The following ICE2 variants were observed in gnomAD, a reference collection of about 807,000 sequenced individuals.
ICE2 encodes the protein interactor of little elongation complex ELL subunit 2.
A neutral mutation model predicts 105.4 loss-of-function variants in ICE2; 87 were observed. The observed-to-expected ratio is 0.83, with a 90% CI of 0.69 to 0.99. The LOEUF (loss-of-function observed/expected upper bound fraction) is 0.99, where lower values mean the gene tolerates loss of function less well. Among genes scored for constraint, ICE2 ranks in the 50% least tolerant of loss-of-function variants. ICE2 has a pLI of 0.00. For missense variants in ICE2, 1,323 were observed against 1,146.7 expected (o/e 1.15, Z -2.22); for synonymous variants, 399 against 392.0 (o/e 1.02, Z -0.21).
chr15:60,471,915 C>A (rs983861935), intron 3 of ICE2, among the ~76,000 whole-genome samples: 11 of 151,882 alleles, frequency 7.2e-5, no homozygotes, highest in African/African-American at 2.7e-4. Flanking sequence ...TTCAAGTCTA[C>A]TAGTATCTTC....
intron 3 of ICE2, among the ~76,000 whole-genome samples, chr15:60,471,868 A>G (rs964620759): frequency 1.3e-5 from 2 of 151,872 alleles, no homozygotes; most frequent in African/African-American, 4.8e-5. Flanking sequence ...TAGCTTATTT[A>G]AAAGTAGCAT....
At chr15:60,472,075 A>C (rs1477045540) in intron 3 of ICE2, among the ~76,000 whole-genome samples, 1 of 152,094 alleles carries the variant, frequency 6.6e-6, no homozygotes, top group African/African-American at 2.4e-5. Flanking sequence ...GTAATCGTTT[A>C]CAGTGGCTAT....
chr15:60,460,676 C>T (rs1399503493), intron 5 of ICE2, among the ~76,000 whole-genome samples: 1 of 152,116 alleles, frequency 6.6e-6, no homozygotes, highest in Non-Finnish European at 1.5e-5. Flanking sequence ...TTTAGTAGCA[C>T]CTCTGGCTCT....
In ICE2 at chr15:60,449,265, G is replaced by C; in HGVS notation, c.1702C>G (p.Leu568Val). 2 of 1,613,432 alleles carry C rather than the reference G, an allele frequency of 1.2e-6. No homozygotes were observed. Among genetic ancestry groups the C allele is most frequent in the Non-Finnish European group, 1.7e-6 (2 of 1,179,954 alleles). The change falls in exon 10 of 16, where the codon CTC (leucine) becomes GTC (valine). Residue 568 changes from leucine (L) to valine (V), a missense_variant. By Grantham distance (32) the Leu-to-Val change is conservative. Transcript: ENST00000261520. ...TCCTCATCTGTATCACTGCTGCAGA[G>C]AACTGTATCTTCAGTTTTTGCTGCT... The part of the protein sequence containing the change: ...SEAAKTEDTV[L>V]CSSDTDEECL...
Position 60,449,048 on chromosome 15 carries a change from T to A in ICE2, c.1919A>T (p.Lys640Ile). Residue 640 changes from lysine to isoleucine, a missense_variant, in exon 10 of 16, where the codon AAA becomes ATA. Physicochemically the swap from Lys to Ile is moderately radical, Grantham distance 102. Coordinates refer to ENST00000261520, the MANE Select transcript of ICE2 (RefSeq NM_024611.6). ...AATCTCTCCAACTGGATCAAATTTT[T>A]TATATACTCGTTTGATAGGTTTTTT... ...VLKKPIKRVYKKFDPVGEILK... is the reference protein window; with the variant it reads ...VLKKPIKRVYIKFDPVGEILK... 1.2e-6 allele frequency: 2 copies of A among 1,613,338 alleles called. No homozygotes were observed. Among genetic ancestry groups the A allele is most frequent in the Non-Finnish European group, 1.7e-6 (2 of 1,179,726 alleles).
rs753816256 is a variant in ICE2 at position 60,453,598 on chromosome 15, C to T, written c.1125+5G>A. 3 of 1,612,386 alleles carry T rather than the reference C, an allele frequency of 1.9e-6. No homozygotes were observed. Among genetic ancestry groups the T allele is most frequent in the Non-Finnish European group, 2.5e-6 (3 of 1,179,258 alleles). On this transcript the variant is annotated splice_donor_5th_base_variant and intron_variant, in intron 9 of 15. Transcript: ENST00000261520. ...CCCTTAGGGGAAAAAAAAAGCATTA[C>T]ATACGTCCATTTCAGATATAAACTC...
At position 60,420,478 on chromosome 15, in the gene ICE2, A is replaced by G. The variant is rs1030237217; in HGVS notation, c.*3156T>C. 1 of 152,210 alleles carries G rather than the reference A, an allele frequency of 6.6e-6. No individual in the cohort carries two copies. Among genetic ancestry groups the G allele is most frequent in the African/African-American group, 2.4e-5 (1 of 41,444 alleles). The allele number at this position is 152,210 out of a possible 1,614,324, so 9.4% of individuals were successfully genotyped here. ...GCCAACAAGAGCCCTTTTCAAATAC[A>G]TATCTGATCATGTCAGTTAATTAAC... On this transcript the variant is annotated 3_prime_UTR_variant, in exon 16 of 16. Transcript: ENST00000261520.
At chr15:60,466,928 C>T (rs768869151) in intron 4 of ICE2, among the ~76,000 whole-genome samples, 3 of 152,146 alleles carry the variant, frequency 2.0e-5, no homozygotes, top group Non-Finnish European at 2.9e-5. Context: ...TAAGACTATA[C>T]AATACATGCT....
intron 5 of ICE2, among the ~76,000 whole-genome samples, chr15:60,463,990 G>A (rs763230600): frequency 1.8e-4 from 27 of 152,158 alleles, no homozygotes; most frequent in Non-Finnish European, 3.5e-4. Flanking sequence ...CAAGAGTTAC[G>A]TAGATGTTTA....
chr15:60,431,718 T>C (rs908773858), intron 14 of ICE2, among the ~76,000 whole-genome samples: 5 of 152,142 alleles, frequency 3.3e-5, no homozygotes, highest in Non-Finnish European at 7.4e-5. Flanking sequence ...AATAACATAA[T>C]AATAGACTTA....
rs1236305230 is a variant in ICE2 at position 60,452,076 on chromosome 15, T to C, written c.1125+1527A>G. 3.0e-6 allele frequency: 3 copies of C among 985,116 alleles called. No homozygotes were observed. The African/African-American group carries it at 5.2e-5, about 17-fold the overall frequency. The allele number at this position is 985,116 out of a possible 1,614,324, so 61.0% of individuals were successfully genotyped here. A position where few individuals can be genotyped will look rare whatever the true frequency, so the allele number is the denominator to read the frequency against. ...AGAAGCCACTGTCAATTTTCATCCCTTTTAACCTACCTCATGTTTCTTCTT... is the reference window on the plus strand; with the variant it reads ...AGAAGCCACTGTCAATTTTCATCCCCTTTAACCTACCTCATGTTTCTTCTT... On this transcript the variant is annotated intron_variant, in intron 9 of 15. Coordinates refer to ENST00000261520, the MANE Select transcript of ICE2 (RefSeq NM_024611.6).
chr15:60,466,314 T>G (rs1157137155), intron 5 of ICE2, among the ~76,000 whole-genome samples: 1 of 152,202 alleles, frequency 6.6e-6, no homozygotes, highest in Non-Finnish European at 1.5e-5. Context: ...ACAAGGGAAG[T>G]CAGTGGGTCA....
intron 11 of ICE2, among the ~76,000 whole-genome samples, chr15:60,446,186 T>C (rs1440973825): frequency 6.6e-6 from 1 of 152,178 alleles, no homozygotes; most frequent in Non-Finnish European, 1.5e-5. Context: ...AAAAACTAAA[T>C]TATGTGAATT....
At chr15:60,437,292 A>C (rs2063616227) in intron 12 of ICE2, among the ~76,000 whole-genome samples, 1 of 151,954 alleles carries the variant, frequency 6.6e-6, no homozygotes, top group African/African-American at 2.4e-5. Flanking sequence ...GCACACCATA[A>C]GATTTCCCAA....
chr15:60,452,957 G>T, intron 9 of ICE2: 6 of 985,266 alleles, frequency 6.1e-6, no homozygotes, highest in Non-Finnish European at 7.2e-6. Context: ...TGGGTCAGGT[G>T]CAGTGGCTGA....
At chr15:60,438,186 A>G (rs2063638509) in intron 12 of ICE2, 1 of 152,242 alleles carries the variant, frequency 6.6e-6, no homozygotes, top group African/African-American at 2.4e-5. Context: ...TATGTATTGT[A>G]CCATAGTTAA....
Position 60,442,109 on chromosome 15 carries a change from TATA to T in ICE2, c.2425+304_2425+306del, listed in dbSNP as rs2063731321. The T allele has an allele frequency of 1.5e-5, 3 of 205,094 alleles. No individual in the cohort carries two copies. The South Asian group carries it at 2.9e-4, about 20-fold the overall frequency. The allele number at this position is 205,094 out of a possible 1,614,324, so 12.7% of individuals were successfully genotyped here. A position where few individuals can be genotyped will look rare whatever the true frequency, so the allele number is the denominator to read the frequency against. ...TAGAAGTTCAAGACCAGTCTGGCAA[TATA>T]ATGAGACCCCATCTCAAGAAAAAAC... On this transcript the variant is annotated intron_variant, in intron 12 of 15. Transcript: ENST00000261520.
At chr15:60,461,673 G>A (rs2064281561) in intron 5 of ICE2, among the ~76,000 whole-genome samples, 1 of 152,172 alleles carries the variant, frequency 6.6e-6, no homozygotes, top group African/African-American at 2.4e-5. Flanking sequence ...TGAGTGTAAT[G>A]TGGGATAAAG....
chr15:60,463,710 C>T (rs1010798912), intron 5 of ICE2, among the ~76,000 whole-genome samples: 8 of 152,198 alleles, frequency 5.3e-5, no homozygotes, highest in African/African-American at 1.2e-4. Context: ...GCAGAGGTTG[C>T]AGTGGGCTGA....
Sources: allele counts gnomAD v4.1 joint callset (sites outside exome capture counted in the v4.1 genomes callset), GRCh38; gene constraint gnomAD v4.1.1; transcripts MANE v1.5; gene names NCBI Gene and HGNC (gene_info 2026-07-23, HGNC 2026-07-21).